ZBTB46: variants seen among roughly 807,000 people sequenced by gnomAD.
ZBTB46 encodes the protein zinc finger and BTB domain-containing protein 46.
A neutral mutation model predicts 44.1 loss-of-function variants in ZBTB46; 8 were observed. That is an observed-to-expected ratio of 0.18 (90% CI 0.11 to 0.33). The LOEUF (loss-of-function observed/expected upper bound fraction) is 0.33. Ranked by LOEUF, ZBTB46 falls within the 10% of genes least tolerant of loss-of-function variation. ZBTB46 has a pLI of 1.00. For missense variants in ZBTB46, 651 were observed against 847.7 expected, an observed-to-expected ratio of 0.77 and a Z score of 2.88; for synonymous variants, 409 against 382.3, an observed-to-expected ratio of 1.07 and a Z score of -0.81.
chr20:63,751,163 A>G (rs1042011702), intron 4 of ZBTB46, among the ~76,000 whole-genome samples: 5 of 120,828 alleles, frequency 4.1e-5, no homozygotes, highest in African/African-American at 6.3e-5. Flanking sequence ...AGTGGTTTGT[A>G]AGATCAGCCC....
At chr20:63,766,814 T>G (rs1224956573) in intron 3 of ZBTB46, among the ~76,000 whole-genome samples, 1 of 152,126 alleles carries the variant, frequency 6.6e-6, no homozygotes, top group Admixed American at 6.5e-5. Flanking sequence ...CCAGCTGCAG[T>G]GGAGATGGGG....
At chr20:63,831,039 CG>C (rs1387699760) in intron 1 of ZBTB46, 57 bp downstream of exon 1, 2 of 142,798 alleles carry the variant, frequency 1.4e-5, no homozygotes, top group Non-Finnish European at 3.1e-5. Context: ...GCTCCGGGCC[CG>C]GCCCCCGCCG....
rs368310789 is a variant in ZBTB46 at position 63,752,626 on chromosome 20, G to A, written c.1398+60C>T. The A allele has an allele frequency of 2.8e-5, 40 of 1,447,530 alleles. No individual in the cohort carries two copies. In the East Asian group the frequency reaches 5.1e-4, roughly 19 times the overall value. 89.7% of individuals were successfully genotyped at this position (1,447,530 alleles called of 1,614,324 possible). ...GCGGTCTGCGCCCTCATCAGGACCC[G>A]CCTGCCCGGACATCGTGGCCACGCG... On this transcript the variant is annotated intron_variant, in intron 4 of 4. Coordinates refer to ENST00000245663, the MANE Select transcript of ZBTB46 (RefSeq NM_001369741.1). This position sits in a 1 kb window ranked among gnomAD's most constrained non-coding sequence, Gnocchi z 5.6.
At chr20:63,812,773 ATC>A (rs1256726517) in intron 1 of ZBTB46, among the ~76,000 whole-genome samples, 3 of 151,602 alleles carry the variant, frequency 2.0e-5, no homozygotes, top group Non-Finnish European at 2.9e-5. Context: ...GCCAGACTCC[ATC>A]TCAAAACAAA....
chr20:63,800,442 C>T (rs1263631488), intron 1 of ZBTB46, among the ~76,000 whole-genome samples: 2 of 152,226 alleles, frequency 1.3e-5, no homozygotes, highest in Non-Finnish European at 2.9e-5. Context: ...GCCTCCTCGA[C>T]CTCAGCGCCC....
In ZBTB46 at chr20:63,768,195, G is replaced by A. The variant is rs560300539; in HGVS notation, c.1222+7483C>T. 9.4e-6 allele frequency: 8 copies of A among 848,534 alleles called. No homozygotes were observed. In the East Asian group the frequency reaches 9.8e-4, roughly 104 times the overall value. The allele number at this position is 848,534 out of a possible 1,614,324, so 52.6% of individuals were successfully genotyped here. On this transcript the variant is annotated intron_variant, in intron 3 of 4. Coordinates refer to ENST00000245663, the MANE Select transcript of ZBTB46 (RefSeq NM_001369741.1). ...ATGCATTAACAAAACATTAACACCT[G>A]CCACCAAAACTATCCTGTGAGAAAT...
rs2092331758 is a variant in ZBTB46 at position 63,767,679 on chromosome 20, C to G, written c.1222+7999G>C. Among the ~76,000 whole-genome samples the G allele has an allele frequency of 6.6e-6, 1 of 152,228 alleles. No individual in the cohort carries two copies. ...CCGCAGTTCTGTCCCAAACCACTTC[C>G]AGCAGGGGAGGTGCCTTCGCTGCTG... On this transcript the variant is annotated intron_variant, in intron 3 of 4. Coordinates refer to ENST00000245663, the MANE Select transcript of ZBTB46 (RefSeq NM_001369741.1). The surrounding 1 kb of genome is among the most constrained non-coding windows in gnomAD (Gnocchi z 5.0).
At chr20:63,823,851 A>G (rs2146094542) in intron 1 of ZBTB46, among the ~76,000 whole-genome samples, 1 of 87,216 alleles carries the variant, frequency 1.1e-5, no homozygotes, top group East Asian at 3.3e-4. Flanking sequence ...TTTGTCCTCT[A>G]GGAACCTTGT....
chr20:63,791,423 G>A (rs2092559676), intron 1 of ZBTB46, among the ~76,000 whole-genome samples: 1 of 149,568 alleles, frequency 6.7e-6, no homozygotes, highest in Non-Finnish European at 1.5e-5. Flanking sequence ...GTGAACCCGG[G>A]AGGCGGAGCC....
chr20:63,822,189 CACTT>C (rs1363850611), intron 1 of ZBTB46, among the ~76,000 whole-genome samples: 1 of 152,208 alleles, frequency 6.6e-6, no homozygotes, highest in Non-Finnish European at 1.5e-5. Flanking sequence ...ATCCTAAACA[CACTT>C]GCAGCACCAG....
chr20:63,765,031 G>C (rs2092307264), intron 3 of ZBTB46, among the ~76,000 whole-genome samples: 1 of 54,924 alleles, frequency 1.8e-5, no homozygotes, highest in African/African-American at 7.8e-5. Context: ...TGATTCTTGT[G>C]TGTGTGTGCG....
chr20:63,792,377 A>C (rs530928963), intron 1 of ZBTB46, among the ~76,000 whole-genome samples: 292 of 152,280 alleles, frequency 1.9e-3, no homozygotes, highest in African/African-American at 6.8e-3. Flanking sequence ...TGGGAGTATT[A>C]CATGTCCTTC....
intron 1 of ZBTB46, among the ~76,000 whole-genome samples, chr20:63,798,685 A>AAAAAAAAAAAAAACAAAAAAAC (rs1417351365): frequency 1.6e-5 from 2 of 127,888 alleles, no homozygotes; most frequent in African/African-American, 6.4e-5. Flanking sequence ...AAAAAAAAAA[A>AAAAAAAAAAAAAACAAAAAAAC]AAAAAAAATT....
intron 2 of ZBTB46, chr20:63,788,377 G>GGT (rs1157743139): frequency 3.3e-5 from 5 of 152,206 alleles, no homozygotes; most frequent in Non-Finnish European, 7.3e-5. Flanking sequence ...CACCATGAAT[G>GGT]GTGGCCAGTA....
At chr20:63,829,915 G>A (rs2092838827) in intron 1 of ZBTB46, among the ~76,000 whole-genome samples, 1 of 152,170 alleles carries the variant, frequency 6.6e-6, no homozygotes, top group Non-Finnish European at 1.5e-5. Context: ...TAAAATGCCC[G>A]TGAGTTCTCG....
At chr20:63,775,565 C>A in intron 3 of ZBTB46, 113 bp downstream of exon 3, 4 of 1,390,232 alleles carry the variant, frequency 2.9e-6, no homozygotes, top group Non-Finnish European at 2.9e-6. Context: ...GGTCAGCAGG[C>A]GGCCGAGCAG....
rs1278905417 is a variant in ZBTB46, at chr20:63,747,138, T to TCGCCGCCTC, written c.1553_1561dup (p.Gly518_Gly520dup). The TCGCCGCCTC allele has an allele frequency of 5.0e-6, 8 of 1,609,802 alleles. No individual in the cohort carries two copies. Among genetic ancestry groups the TCGCCGCCTC allele is most frequent in the Non-Finnish European group, 6.8e-6 (8 of 1,178,942 alleles). On this transcript the variant is annotated inframe_insertion, in exon 5 of 5. Transcript: ENST00000245663. ...TGGGAACAGCGCCTCTGGAGAGCCC[T>TCGCCGCCTC]CGCCGCCTCCGCCGCCATGGTCCAG...
At position 63,787,930 on chromosome 20, in the gene ZBTB46, G is replaced by T. The variant is rs1311576361; in HGVS notation, c.937+1891C>A. ...GCCCAGGAAGCCCTCCAGCCAGGGG[G>T]GCAGGCAGCGTCTCCCACTGCGCCA... On this transcript the variant is annotated intron_variant, in intron 2 of 4. Transcript: ENST00000245663. The surrounding 1 kb of genome is among the most constrained non-coding windows in gnomAD (Gnocchi z 4.6). 1 of 152,224 alleles carries T rather than the reference G, an allele frequency of 6.6e-6. No individual in the cohort carries two copies. The highest frequency in any genetic ancestry group is 1.5e-5 in the Non-Finnish European group (1 of 68,060). The allele number at this position is 152,224 out of a possible 1,614,324, so 9.4% of individuals were successfully genotyped here.
chr20:63,815,649 G>A (rs1283118918), intron 1 of ZBTB46, among the ~76,000 whole-genome samples: 2 of 146,920 alleles, frequency 1.4e-5, no homozygotes, highest in African/African-American at 5.0e-5. Context: ...GTACAGGTGG[G>A]CATAGGTGCA....
Sources: gnomAD v4.1 joint callset for allele counts (sites outside exome capture counted in the v4.1 genomes callset) on GRCh38, gnomAD v4.1.1 for gene constraint, Gnocchi (gnomAD v3.1) non-coding constraint, MANE v1.5 for transcripts, NCBI Gene and HGNC (gene_info 2026-07-23, HGNC 2026-07-21) for gene names.